Variants in RBFOX1 observed in about 807,000 individuals in gnomAD.
RBFOX1 encodes RNA binding fox-1 homolog 1, also known as RNA binding protein fox-1 homolog 1.
A neutral mutation model predicts 57.7 loss-of-function variants in RBFOX1; 8 were observed. That is an observed-to-expected ratio of 0.14 (90% CI 0.08 to 0.25). RBFOX1 has a LOEUF of 0.25. Ranked by LOEUF, RBFOX1 falls within the 10% of genes least tolerant of loss-of-function variation. RBFOX1 has a pLI of 1.00. For missense variants in RBFOX1, 611 were observed against 548.5 expected (o/e 1.11, Z -1.14); for synonymous variants, 326 against 222.4 (o/e 1.47, Z -4.15).
chr16:6,666,555 AAAAC>A (rs1302693646), intron 3 of RBFOX1, among the ~76,000 whole-genome samples: 7 of 151,362 alleles, frequency 4.6e-5, no homozygotes, highest in Admixed American at 1.3e-4. Flanking sequence ...AAAAAAAAAA[AAAAC>A]AAATCATGTC....
rs543984255 is a variant in RBFOX1 at position 7,242,709 on chromosome 16, A to G, written c.27+190611A>G. Among the ~76,000 whole-genome samples, 150 of 152,274 alleles carry G rather than the reference A, an allele frequency of 9.9e-4. 2 individuals carry two copies. The highest frequency in any genetic ancestry group is 8.6e-3 in the Admixed American group (132 of 15,288). On this transcript the variant is annotated intron_variant, in intron 4 of 15. Transcript: ENST00000550418. ...CATGTGACTTGAAGCAGCCAGTTGG[A>G]CCAGGTTTCTGATTGAGTGGCCACG... is the stretch of plus-strand genomic sequence containing the variant.
chr16:6,325,752 A>G (rs771589768), intron 2 of RBFOX1, among the ~76,000 whole-genome samples: 5 of 152,220 alleles, frequency 3.3e-5, no homozygotes, highest in Non-Finnish European at 7.3e-5. Flanking sequence ...ATTTCTTCCT[A>G]CTTTTGAGAA....
chr16:6,649,310 A>G (rs1245890837), intron 2 of RBFOX1, among the ~76,000 whole-genome samples: 2 of 152,170 alleles, frequency 1.3e-5, no homozygotes, highest in African/African-American at 2.4e-5. Flanking sequence ...TCTGTTGTGT[A>G]TATATACCAC....
At chr16:6,494,711 A>G (rs542326199) in intron 2 of RBFOX1, among the ~76,000 whole-genome samples, 27 of 152,246 alleles carry the variant, frequency 1.8e-4, no homozygotes, top group South Asian at 4.1e-4. Flanking sequence ...GGCCTTGGAG[A>G]TCTTTGATTT....
chr16:6,799,573 C>T (rs185334051), intron 3 of RBFOX1, among the ~76,000 whole-genome samples: 86 of 152,126 alleles, frequency 5.7e-4, no homozygotes, highest in Non-Finnish European at 9.6e-4. Context: ...GAGATAAACA[C>T]CTGAGGGAGC....
intron 4 of RBFOX1, among the ~76,000 whole-genome samples, chr16:6,000,652 G>C (rs1025539129): frequency 6.6e-6 from 1 of 151,996 alleles, no homozygotes; most frequent in Non-Finnish European, 1.5e-5. Context: ...TGGATGAAAG[G>C]GTAGGTGGAT....
chr16:5,553,043 A>T (rs1265850614), intron 2 of RBFOX1, among the ~76,000 whole-genome samples: 1 of 152,152 alleles, frequency 6.6e-6, no homozygotes, highest in Admixed American at 6.5e-5. Flanking sequence ...TAGAAAACAA[A>T]ACACCGCATG....
intron 1 of RBFOX1, among the ~76,000 whole-genome samples, chr16:5,247,754 A>T (rs557626848): frequency 6.6e-6 from 1 of 152,258 alleles, no homozygotes; most frequent in East Asian, 1.9e-4. Flanking sequence ...GAGAAACAAA[A>T]AAAATGCTGA....
intron 1 of RBFOX1, among the ~76,000 whole-genome samples, chr16:6,218,065 T>G (rs9927432): frequency 0.029 from 4,369 of 152,218 alleles, 190 homozygotes; most frequent in African/African-American, 0.094. Context: ...GTGTAATCAG[T>G]TCTGAAAGAA....
intron 2 of RBFOX1, among the ~76,000 whole-genome samples, chr16:6,422,121 C>A (rs1424765737): frequency 2.0e-5 from 3 of 151,696 alleles, no homozygotes; most frequent in Admixed American, 6.6e-5. Context: ...TGGAGTTTTC[C>A]CATTTTGGCC....
At chr16:7,516,846 C>T (rs555180805) in intron 4 of RBFOX1, among the ~76,000 whole-genome samples, 130 of 150,768 alleles carry the variant, frequency 8.6e-4, no homozygotes, top group South Asian at 3.6e-3. Context: ...TTTTTTTTTT[C>T]CTCTCTTCTT....
chr16:7,675,535 C>T (rs1308717920), intron 13 of RBFOX1, among the ~76,000 whole-genome samples: 1 of 152,144 alleles, frequency 6.6e-6, no homozygotes, highest in African/African-American at 2.4e-5. Flanking sequence ...AATTGCTGTG[C>T]AAATGATAGC....
At chr16:7,203,725 C>T (rs530018534) in intron 4 of RBFOX1, among the ~76,000 whole-genome samples, 17 of 151,980 alleles carry the variant, frequency 1.1e-4, no homozygotes, top group Non-Finnish European at 2.1e-4. Flanking sequence ...TTCTCTGTTT[C>T]CCTTTGCAAA....
chr16:5,778,849 A>G (rs1335301913), intron 3 of RBFOX1, among the ~76,000 whole-genome samples: 1 of 152,284 alleles, frequency 6.6e-6, no homozygotes, highest in Non-Finnish European at 1.5e-5. Flanking sequence ...CCCATCTCAA[A>G]AATGGGGCTG....
At chr16:6,572,884 A>G (rs1600243918) in intron 2 of RBFOX1, among the ~76,000 whole-genome samples, 1 of 152,094 alleles carries the variant, frequency 6.6e-6, no homozygotes, top group Non-Finnish European at 1.5e-5. Flanking sequence ...GTGATCCCGC[A>G]TGCCCAGCCA....
At chr16:5,700,646 T>C (rs1043305795) in intron 3 of RBFOX1, among the ~76,000 whole-genome samples, 2 of 152,246 alleles carry the variant, frequency 1.3e-5, no homozygotes, top group African/African-American at 4.8e-5. Flanking sequence ...TTCTCCATAA[T>C]GATGTCTTCA....
intron 3 of RBFOX1, among the ~76,000 whole-genome samples, chr16:6,812,238 C>G (rs960643658): frequency 1.5e-4 from 23 of 152,144 alleles, no homozygotes; most frequent in African/African-American, 5.6e-4. Context: ...CTCACATTTC[C>G]TGTTTTGTTA....
At chr16:5,377,024 C>G (rs969515545) in intron 1 of RBFOX1, among the ~76,000 whole-genome samples, 2 of 151,650 alleles carry the variant, frequency 1.3e-5, no homozygotes, top group African/African-American at 4.9e-5. Context: ...GAATCTTCAT[C>G]TCAGGATCCA....
chr16:7,049,736 C>T (rs1470669738), intron 3 of RBFOX1, among the ~76,000 whole-genome samples: 1 of 152,108 alleles, frequency 6.6e-6, no homozygotes, highest in Non-Finnish European at 1.5e-5. Flanking sequence ...CAAATAGCTC[C>T]CCCATGCATT....
Sources: allele counts gnomAD v4.1 joint callset (sites outside exome capture counted in the v4.1 genomes callset), GRCh38; gene constraint gnomAD v4.1.1; transcripts MANE v1.5; gene names NCBI Gene and HGNC (gene_info 2026-07-23, HGNC 2026-07-21).